ADGRL3: variants seen among roughly 807,000 people sequenced by gnomAD.
ADGRL3 encodes calcium-independent alpha-latrotoxin receptor 3.
In ADGRL3, 62 loss-of-function variants were observed where a neutral mutation model predicts 153.5. The observed-to-expected ratio is 0.40, with a 90% CI of 0.33 to 0.50. The LOEUF (loss-of-function observed/expected upper bound fraction) is 0.50. ADGRL3 is among the 20% of genes least tolerant of loss of function. The pLI, the probability that ADGRL3 is intolerant of heterozygous loss-of-function variation, is 0.47. For synonymous variants in ADGRL3, 710 were observed against 672.5 expected (o/e 1.06, Z -0.86); for missense variants, 1,641 against 1,859.4 (o/e 0.88, Z 2.16).
intron 1 of ADGRL3, among the ~76,000 whole-genome samples, chr4:61,207,310 G>A (rs1737764271): frequency 6.6e-6 from 1 of 152,112 alleles, no homozygotes; most frequent in Admixed American, 6.5e-5. Flanking sequence ...TTGGTTTTCT[G>A]TTCCTGTGTT....
chr4:61,337,313 G>A (rs1028771577), intron 1 of ADGRL3, among the ~76,000 whole-genome samples: 2 of 152,178 alleles, frequency 1.3e-5, no homozygotes, highest in Admixed American at 1.3e-4. Context: ...CTGAATGACA[G>A]ACAAGTGTCA....
At chr4:61,494,980 C>T (rs2098297511) in intron 2 of ADGRL3, among the ~76,000 whole-genome samples, 1 of 152,018 alleles carries the variant, frequency 6.6e-6, no homozygotes, top group South Asian at 2.1e-4. Context: ...GCTATTATTA[C>T]GTATTTTATA....
chr4:62,028,162 A>G (rs1719905536), intron 21 of ADGRL3, among the ~76,000 whole-genome samples: 3 of 151,860 alleles, frequency 2.0e-5, no homozygotes, highest in Admixed American at 2.0e-4. Flanking sequence ...GATCCAAAAC[A>G]TTCCTTATCT....
At chr4:61,509,442 A>T (rs7683260) in intron 3 of ADGRL3, among the ~76,000 whole-genome samples, 23,808 of 151,990 alleles carry the variant, frequency 0.16, 2,584 homozygotes, top group African/African-American at 0.3. Context: ...TCACATCTTA[A>T]TGTCCATAAG....
chr4:61,584,711 A>G (rs575813379), intron 4 of ADGRL3, among the ~76,000 whole-genome samples: 3 of 152,120 alleles, frequency 2.0e-5, no homozygotes, highest in African/African-American at 7.2e-5. Context: ...CTCTTGATAA[A>G]TGTATAAAAG....
chr4:62,044,886 GA>G (rs1730290387), intron 25 of ADGRL3, among the ~76,000 whole-genome samples: 1 of 152,060 alleles, frequency 6.6e-6, no homozygotes, highest in African/African-American at 2.4e-5. Flanking sequence ...AAGCATCATA[GA>G]GTTCCACATT....
At chr4:61,642,766 T>C (rs2093745913) in intron 5 of ADGRL3, among the ~76,000 whole-genome samples, 1 of 152,154 alleles carries the variant, frequency 6.6e-6, no homozygotes, top group Admixed American at 6.5e-5. Flanking sequence ...GACATGGCGA[T>C]GTGGGCTCTT....
chr4:61,493,385 G>C (rs2098277841), intron 2 of ADGRL3, among the ~76,000 whole-genome samples: 3 of 152,148 alleles, frequency 2.0e-5, no homozygotes, highest in African/African-American at 7.2e-5. Context: ...ATGGCTCTAT[G>C]TCCTGCTGCA....
chr4:61,865,631 AAAGT>A (rs948006838), intron 9 of ADGRL3, among the ~76,000 whole-genome samples: 1 of 152,194 alleles, frequency 6.6e-6, no homozygotes, highest in African/African-American at 2.4e-5. Context: ...AACTTCATTT[AAAGT>A]AAGTTTCTTC....
chr4:61,646,334 G>A (rs1275791524), intron 5 of ADGRL3, among the ~76,000 whole-genome samples: 3 of 152,120 alleles, frequency 2.0e-5, no homozygotes, highest in African/African-American at 7.2e-5. Flanking sequence ...GTGAGGAACT[G>A]CGTTCCTTTG....
intron 8 of ADGRL3, among the ~76,000 whole-genome samples, chr4:61,785,202 G>T (rs1212481320): frequency 1.3e-5 from 2 of 152,150 alleles, no homozygotes; most frequent in East Asian, 3.9e-4. Context: ...GGAAGAGAAA[G>T]TATTCATGCT....
At chr4:61,509,444 G>A (rs1236095813) in intron 3 of ADGRL3, among the ~76,000 whole-genome samples, 2 of 151,962 alleles carry the variant, frequency 1.3e-5, no homozygotes, top group South Asian at 2.1e-4. Flanking sequence ...ACATCTTAAT[G>A]TCCATAAGTT....
intron 4 of ADGRL3, among the ~76,000 whole-genome samples, chr4:61,521,987 C>T (rs1282310309): frequency 6.6e-6 from 1 of 152,090 alleles, no homozygotes; most frequent in Non-Finnish European, 1.5e-5. Flanking sequence ...ATTTGTTAGG[C>T]ATCTTCTTTT....
intron 8 of ADGRL3, among the ~76,000 whole-genome samples, chr4:61,760,117 C>T (rs552863388): frequency 3.3e-4 from 50 of 152,326 alleles, no homozygotes; most frequent in African/African-American, 1.2e-3. Flanking sequence ...CAGGGACCCA[C>T]TTGAGGCAGT....
chr4:61,280,870 C>T (rs945605008), intron 1 of ADGRL3, among the ~76,000 whole-genome samples: 1 of 152,056 alleles, frequency 6.6e-6, no homozygotes, highest in Non-Finnish European at 1.5e-5. Flanking sequence ...ACAAAATTTA[C>T]ACTCACTGAA....
At position 61,587,401 on chromosome 4, in the gene ADGRL3, G is replaced by T; in HGVS notation, c.434G>T (p.Arg145Leu). ...GACCCTGCTCAGATGGAGAATATCC[G>T]ATGTTATCTGCCAGATGCCTATAAG... Reference protein sequence around the residue: ...DSDPAQMENIRCYLPDAYKIM... With the variant: ...DSDPAQMENILCYLPDAYKIM... The change falls in exon 5 of 27, where the codon CGA (arginine) becomes CTA (leucine). Residue 145 changes from arginine to leucine, a missense_variant. This residue lies in a region of ADGRL3 where 213 missense variants were observed against 362.1 expected (regional missense o/e 0.59). Transcript: ENST00000683033. 1 of 1,612,396 alleles carries T rather than the reference G, an allele frequency of 6.2e-7. No individual in the cohort carries two copies. The highest frequency in any genetic ancestry group is 8.5e-7 in the Non-Finnish European group (1 of 1,179,002).
intron 2 of ADGRL3, among the ~76,000 whole-genome samples, chr4:61,432,568 C>CTTTCTTTCTTTCTTTCTTTCTTTTTCTT (rs778720002): frequency 2.6e-5 from 1 of 38,370 alleles, no homozygotes; most frequent in Non-Finnish European, 7.4e-5. Context: ...TCTTTTCTTT[C>CTTTCTTTCTTTCTTTCTTTCTTTTTCTT]TCTTCCTTTC....
rs531517096 is a variant in ADGRL3 at position 61,204,173 on chromosome 4, AT to A, written c.-240+2414del. On this transcript the variant is annotated intron_variant, in intron 1 of 26. Transcript: ENST00000683033. ...ACAATAATTTCTGGATATCTTCATT[AT>A]TTTTTAAAGACCTTGACCTCTTGAA... Among the ~76,000 whole-genome samples the A allele has an allele frequency of 9.2e-5, 14 of 152,196 alleles. No homozygotes were observed. In the East Asian group the frequency reaches 2.3e-3, roughly 25 times the overall value.
chr4:61,333,647 G>A (rs1368166904), intron 1 of ADGRL3, among the ~76,000 whole-genome samples: 1 of 151,772 alleles, frequency 6.6e-6, no homozygotes, highest in Non-Finnish European at 1.5e-5. Flanking sequence ...AGGCTGGAAT[G>A]CAGGTCACAA....
Sources: gnomAD v4.1 joint callset for allele counts (sites outside exome capture counted in the v4.1 genomes callset) on GRCh38, gnomAD v4.1.1 for gene constraint, gnomAD v4.1.1 regional missense constraint, MANE v1.5 for transcripts, NCBI Gene and HGNC (gene_info 2026-07-23, HGNC 2026-07-21) for gene names.